CDYL: variants seen among roughly 807,000 people sequenced by gnomAD.
The protein encoded by CDYL is chromodomain Y like.
A neutral mutation model predicts 47.3 loss-of-function variants in CDYL; 8 were observed. That is an observed-to-expected ratio of 0.17 (90% CI 0.10 to 0.31). The LOEUF is 0.31. Among genes scored for constraint, CDYL ranks in the 10% least tolerant of loss-of-function variants. The pLI, the probability that CDYL is intolerant of heterozygous loss-of-function variation, is 1.00. For missense variants in CDYL, 471 were observed against 701.4 expected (o/e 0.67, Z 3.71); for synonymous variants, 266 against 265.0 (o/e 1.00, Z -0.04).
rs528166342 is a variant in CDYL, at chr6:4,789,353, C to T, written c.24+12546C>T. Among the ~76,000 whole-genome samples the T allele has an allele frequency of 4.9e-4, 75 of 152,282 alleles. 1 individual carries two copies. Among genetic ancestry groups the T allele is most frequent in the Middle Eastern group, 6.8e-3 (2 of 294 alleles). On this transcript the variant is annotated intron_variant, in intron 1 of 6. Transcript: ENST00000397588. ...CCTCCCAAGGTGCTGAGATTGCAGA[C>T]GTGACCTGCCGCGCCTGGCTGCTCC...
At chr6:4,839,691 T>C (rs1330282661) in intron 1 of CDYL, among the ~76,000 whole-genome samples, 1 of 152,226 alleles carries the variant, frequency 6.6e-6, no homozygotes, top group Non-Finnish European at 1.5e-5. Context: ...TTCCCCACTT[T>C]ATCTTTTTGT....
chr6:4,732,966 C>T (rs1409240867), intron 2 of CDYL, among the ~76,000 whole-genome samples: 2 of 152,148 alleles, frequency 1.3e-5, no homozygotes, highest in African/African-American at 2.4e-5. Context: ...CTCCAAGAAA[C>T]GTCAGCAAAT....
intron 1 of CDYL, among the ~76,000 whole-genome samples, chr6:4,870,325 C>T (rs1386197358): frequency 6.6e-6 from 1 of 152,182 alleles, no homozygotes; most frequent in Non-Finnish European, 1.5e-5. Flanking sequence ...GTATGTCATT[C>T]ATTCTGCTTT....
rs112675642 is a variant in CDYL, at chr6:4,915,708, A to G, written c.692-19807A>G. On this transcript the variant is annotated intron_variant, in intron 2 of 6. Coordinates refer to ENST00000397588, the MANE Select transcript of CDYL (RefSeq NM_004824.4). ...TTTATCCCAAAATATAACTTGACATATTCTGCAATGCCCCTGTAAAGCTCT... is the reference window on the plus strand; with the variant it reads ...TTTATCCCAAAATATAACTTGACATGTTCTGCAATGCCCCTGTAAAGCTCT... Among the ~76,000 whole-genome samples the G allele has an allele frequency of 6.6e-5, 10 of 152,332 alleles. 1 individual carries two copies. Among genetic ancestry groups the G allele is most frequent in the African/African-American group, 2.2e-4 (9 of 41,570 alleles).
chr6:4,758,912 A>G (rs569021243), intron 3 of CDYL, among the ~76,000 whole-genome samples: 15 of 150,592 alleles, frequency 1.0e-4, no homozygotes, highest in African/African-American at 3.6e-4. Context: ...ATAAACAGAC[A>G]TAGAGTGAAG....
chr6:4,915,076 T>G (rs1757518647), intron 2 of CDYL, among the ~76,000 whole-genome samples: 1 of 152,248 alleles, frequency 6.6e-6, no homozygotes, highest in Non-Finnish European at 1.5e-5. Flanking sequence ...CATGTTTAAC[T>G]CTGTGTTGTT....
At chr6:4,707,724 C>T (rs1418917031) in intron 1 of CDYL, among the ~76,000 whole-genome samples, 1 of 152,156 alleles carries the variant, frequency 6.6e-6, no homozygotes, top group African/African-American at 2.4e-5. Flanking sequence ...ATCCTCAAAA[C>T]ACTTGTTATT....
chr6:4,845,154 C>G (rs1029435186), intron 1 of CDYL, among the ~76,000 whole-genome samples: 1 of 152,172 alleles, frequency 6.6e-6, no homozygotes, highest in Non-Finnish European at 1.5e-5. Context: ...TGCTTACTTG[C>G]AAACTTTGAT....
At chr6:4,883,640 A>C (rs2127479377) in intron 1 of CDYL, among the ~76,000 whole-genome samples, 1 of 152,290 alleles carries the variant, frequency 6.6e-6, no homozygotes, top group South Asian at 2.1e-4. Flanking sequence ...TCAGTGATTG[A>C]ACTGAGCTGT....
rs145000215 is a variant in CDYL, at chr6:4,949,499, T to G, written c.1333-2767T>G. Among the ~76,000 whole-genome samples the G allele has an allele frequency of 1.5e-3, 234 of 152,342 alleles. 1 individual carries two copies. Among genetic ancestry groups the G allele is most frequent in the African/African-American group, 5.4e-3 (224 of 41,590 alleles). On this transcript the variant is annotated intron_variant, in intron 5 of 6. Coordinates refer to ENST00000397588, the MANE Select transcript of CDYL (RefSeq NM_004824.4). ...AACTAAAAAGACATCTCTATTTAAC[T>G]TTCCTCGGCATTTCCCATCTCTCTG...
chr6:4,901,937 C>T (rs2127494447), intron 2 of CDYL, among the ~76,000 whole-genome samples: 1 of 152,260 alleles, frequency 6.6e-6, no homozygotes. Flanking sequence ...GCAAGGTGCC[C>T]CCGCAGCTCT....
At chr6:4,864,846 G>GA (rs111487159) in intron 1 of CDYL, among the ~76,000 whole-genome samples, 6,534 of 152,174 alleles carry the variant, frequency 0.043, 467 homozygotes, top group African/African-American at 0.15. Context: ...TCAGCAACGT[G>GA]AAAATGAACT....
At chr6:4,870,819 T>A (rs1303556275) in intron 1 of CDYL, among the ~76,000 whole-genome samples, 1 of 152,234 alleles carries the variant, frequency 6.6e-6, no homozygotes, top group African/African-American at 2.4e-5. Flanking sequence ...CTAGAATTAT[T>A]ATTTTTTTAT....
At chr6:4,927,121 G>A (rs1250344193) in intron 2 of CDYL, among the ~76,000 whole-genome samples, 1 of 152,048 alleles carries the variant, frequency 6.6e-6, no homozygotes, top group Non-Finnish European at 1.5e-5. Context: ...AGGGCTTTTG[G>A]CAATTTTTCC....
At chr6:4,759,648 G>A (rs1000499706) in intron 3 of CDYL, among the ~76,000 whole-genome samples, 3 of 151,620 alleles carry the variant, frequency 2.0e-5, no homozygotes, top group Non-Finnish European at 2.9e-5. Flanking sequence ...CTGGGAGGCC[G>A]AGGTGGGTGG....
At chr6:4,880,890 T>G (rs1232380786) in intron 1 of CDYL, among the ~76,000 whole-genome samples, 2 of 152,258 alleles carry the variant, frequency 1.3e-5, no homozygotes, top group African/African-American at 4.8e-5. Context: ...TAAGATACCT[T>G]TGTTTTGGAT....
chr6:4,739,182 T>A (rs575397160), intron 3 of CDYL, among the ~76,000 whole-genome samples: 15 of 140,870 alleles, frequency 1.1e-4, no homozygotes, highest in East Asian at 2.0e-4. Flanking sequence ...AAATAAATAA[T>A]TAAATAATAA....
intron 3 of CDYL, among the ~76,000 whole-genome samples, chr6:4,738,096 A>G (rs1359803211): frequency 6.6e-6 from 1 of 152,212 alleles, no homozygotes; most frequent in African/African-American, 2.4e-5. Context: ...TGCTATAGTC[A>G]AAAAATACAG....
intron 2 of CDYL, among the ~76,000 whole-genome samples, chr6:4,726,604 G>A (rs1369803351): frequency 3.3e-5 from 5 of 151,772 alleles, no homozygotes; most frequent in African/African-American, 1.2e-4. Context: ...GGGAGGCTGA[G>A]GCGAGAGGAT....
Sources: gnomAD v4.1 joint callset for allele counts (sites outside exome capture counted in the v4.1 genomes callset) on GRCh38, gnomAD v4.1.1 for gene constraint, MANE v1.5 for transcripts, NCBI Gene and HGNC (gene_info 2026-07-23, HGNC 2026-07-21) for gene names.